The following KLHL5 variants were observed in gnomAD, a reference collection of about 807,000 sequenced individuals.
KLHL5 encodes the protein kelch like family member 5, also known as kelch-like protein 5.
KLHL5 carries 48 observed loss-of-function variants against 77.7 expected under a neutral mutation model. The observed-to-expected ratio is 0.62, with a 90% CI of 0.49 to 0.79. The LOEUF is 0.79. Among genes scored for constraint, KLHL5 ranks in the 30% least tolerant of loss-of-function variants. The probability of loss-of-function intolerance (pLI) is 0.00; values close to 1 mark genes in which losing one functional copy is unlikely to be tolerated. For synonymous variants in KLHL5, 260 were observed against 297.0 expected, an observed-to-expected ratio of 0.88 and a Z score of 1.28; for missense variants, 723 against 859.7, an observed-to-expected ratio of 0.84 and a Z score of 1.99.
chr4:39,082,087 T>A lies in KLHL5; in HGVS notation c.828T>A (p.Cys276Ter), dbSNP rs757286598. Residue 276 changes from cysteine (C) to a stop codon, truncating the protein, a stop_gained, in exon 4 of 11, where the codon TGT (cysteine) becomes TGA (stop). Coordinates refer to ENST00000504108, the MANE Select transcript of KLHL5 (RefSeq NM_015990.5). LOFTEE classifies it high-confidence loss of function. ...FLMKQLHPSN[C>*]LGIRSFADAQ... ...TGAAACAGCTTCATCCATCCAACTG[T>A]CTTGGAATTCGTTCTTTTGCTGATG... is the stretch of plus-strand genomic sequence containing the variant. 2 of 1,614,022 alleles carry A rather than the reference T, an allele frequency of 1.2e-6. No homozygotes were observed. Among genetic ancestry groups the A allele is most frequent in the Non-Finnish European group, 1.7e-6 (2 of 1,179,952 alleles).
intron 1 of KLHL5, among the ~76,000 whole-genome samples, chr4:39,053,745 C>T (rs924105525): frequency 6.6e-6 from 1 of 152,128 alleles, no homozygotes; most frequent in African/African-American, 2.4e-5. Context: ...ATAACTTTTA[C>T]AGGTGAGCTT....
intron 1 of KLHL5, among the ~76,000 whole-genome samples, chr4:39,049,723 A>C (rs1171445094): frequency 1.3e-5 from 2 of 151,612 alleles, no homozygotes; most frequent in Non-Finnish European, 2.9e-5. Context: ...AAAATAAATA[A>C]ATAAATAAAT....
At chr4:39,097,466 C>T (rs932665091) in intron 6 of KLHL5, among the ~76,000 whole-genome samples, 1 of 152,126 alleles carries the variant, frequency 6.6e-6, no homozygotes, top group Non-Finnish European at 1.5e-5. Context: ...CTTAAGCAAA[C>T]GATCAAAGAT....
At chr4:39,105,691 A>G (rs1034172619) in intron 7 of KLHL5, among the ~76,000 whole-genome samples, 1 of 151,028 alleles carries the variant, frequency 6.6e-6, no homozygotes, top group African/African-American at 2.4e-5. Context: ...ACATATAAAT[A>G]ACATGCATGC....
intron 5 of KLHL5, among the ~76,000 whole-genome samples, chr4:39,094,790 G>T (rs191265483): frequency 1.5e-4 from 23 of 152,090 alleles, no homozygotes; most frequent in Middle Eastern, 3.4e-3. Flanking sequence ...TACAGAACTG[G>T]CTACTGATCT....
At chr4:39,105,055 GC>G (rs753318115) in intron 7 of KLHL5, among the ~76,000 whole-genome samples, 40 of 151,938 alleles carry the variant, frequency 2.6e-4, no homozygotes, top group Non-Finnish European at 5.1e-4. Context: ...GAGCCACCAC[GC>G]CTGGCCTAAA....
At chr4:39,131,143 G>A (rs145871551), downstream of KLHL5, among the ~76,000 whole-genome samples, 35 of 151,522 alleles carry the variant, frequency 2.3e-4, no homozygotes, top group African/African-American at 7.7e-4. Context: ...GTGAGCCACC[G>A]TGCCCAGCCT....
At chr4:39,045,182 G>A in intron 1 of KLHL5, 3 of 983,662 alleles carry the variant, frequency 3.0e-6, no homozygotes, top group Non-Finnish European at 3.6e-6. Context: ...CTCACGCCCC[G>A]CTGCGGCCTC....
chr4:39,045,194 C>A, intron 1 of KLHL5: 1 of 981,470 alleles, frequency 1.0e-6, no homozygotes, highest in Non-Finnish European at 1.2e-6. Flanking sequence ...TGCGGCCTCC[C>A]GGAGCGCGCG....
rs1361153236 is a variant in KLHL5 at position 39,077,709 on chromosome 4, AC to A, written c.566+1563del. Among the ~76,000 whole-genome samples, 762 of 139,066 alleles carry A rather than the reference AC, an allele frequency of 5.5e-3. 2 individuals carry two copies. The highest frequency in any genetic ancestry group is 9.4e-3 in the African/African-American group (354 of 37,494). The allele number at this position is 139,066 out of a possible 152,430, so 91.2% of individuals were successfully genotyped here. A position where few individuals can be genotyped will look rare whatever the true frequency, so the allele number is the denominator to read the frequency against. On this transcript the variant is annotated intron_variant, in intron 2 of 10. Coordinates refer to ENST00000504108, the MANE Select transcript of KLHL5 (RefSeq NM_015990.5). ...GAACTAAAGGTAAAAAAAAAAAAAAACAAAAAACAAACAAACAAAAAAACTA... is the reference window on the plus strand; with the variant it reads ...GAACTAAAGGTAAAAAAAAAAAAAAAAAAAAACAAACAAACAAAAAAACTA...
intron 1 of KLHL5, among the ~76,000 whole-genome samples, chr4:39,053,374 T>A (rs2711957): frequency 0.73 from 110,349 of 151,676 alleles, 40,292 homozygotes; most frequent in East Asian, 0.82. Context: ...TCAGAAAAAA[T>A]TTTTTTTAAT....
At position 39,081,278 on chromosome 4, in the gene KLHL5, T is replaced by A; in HGVS notation, c.703+39T>A. 2 of 1,509,902 alleles carry A rather than the reference T, an allele frequency of 1.3e-6. No homozygotes were observed. The highest frequency in any genetic ancestry group is 8.9e-7 in the Non-Finnish European group (1 of 1,118,832). The allele number at this position is 1,509,902 out of a possible 1,614,324, so 93.5% of individuals were successfully genotyped here. The stretch of plus-strand genomic sequence containing the variant: ...AAATGTAAATTAAAACCTCTTAGAT[T>A]TATGTTGTATTATTAGATTTCAGAT... On this transcript the variant is annotated intron_variant, in intron 3 of 10. Coordinates refer to ENST00000504108, the MANE Select transcript of KLHL5 (RefSeq NM_015990.5). This position sits in a 1 kb window ranked among gnomAD's most constrained non-coding sequence, Gnocchi z 4.3.
intron 8 of KLHL5, 54 bp from the exon 9 acceptor site, chr4:39,112,965 GT>G: frequency 6.7e-7 from 1 of 1,492,022 alleles, no homozygotes; most frequent in Non-Finnish European, 9.3e-7. Context: ...GAGCCTCTTT[GT>G]TCTAAGCATA....
At chr4:39,055,117 A>G (rs553800679) in intron 1 of KLHL5, among the ~76,000 whole-genome samples, 123 of 152,332 alleles carry the variant, frequency 8.1e-4, no homozygotes, top group African/African-American at 2.9e-3. Flanking sequence ...GACTAGGGAA[A>G]AAGTCATCAA....
chr4:39,110,443 G>A (rs1394528081), intron 8 of KLHL5, among the ~76,000 whole-genome samples: 1 of 152,052 alleles, frequency 6.6e-6, no homozygotes, highest in Non-Finnish European at 1.5e-5. Flanking sequence ...ATCTCAAACA[G>A]TATCTGCCAA....
chr4:39,093,118 G>A (rs2566149), intron 5 of KLHL5: 332,856 of 455,440 alleles, frequency 0.73, 122,141 homozygotes, highest in East Asian at 0.83. Flanking sequence ...CCATCAACTG[G>A]TGAATGGATA....
At chr4:39,126,276 T>TA (rs1010190201), downstream of KLHL5, among the ~76,000 whole-genome samples, 4 of 152,020 alleles carry the variant, frequency 2.6e-5, no homozygotes, top group Admixed American at 6.6e-5. Context: ...TTAACTGGAG[T>TA]AAAAAAAATC....
In KLHL5 at chr4:39,124,573, A is replaced by G. The variant is rs548800821; in HGVS notation, c.*3507A>G. On this transcript the variant is annotated 3_prime_UTR_variant, in exon 11 of 11. Coordinates refer to ENST00000504108, the MANE Select transcript of KLHL5 (RefSeq NM_015990.5). ...CAGGACCATTCAATGAAGAAAGAAC[A>G]GTGTCTTCAACTAATAGTGCTAAGA... is the stretch of plus-strand genomic sequence containing the variant. Among the ~76,000 whole-genome samples, 6 of 152,266 alleles carry G rather than the reference A, an allele frequency of 3.9e-5. No homozygotes were observed. The highest frequency in any genetic ancestry group is 9.6e-5 in the African/African-American group (4 of 41,574).
In KLHL5 at chr4:39,117,034, G is replaced by A. The variant is rs75989241; in HGVS notation, c.2073+1704G>A. Among the ~76,000 whole-genome samples the A allele has an allele frequency of 4.2e-3, 638 of 152,164 alleles. 8 individuals are homozygous for A. The East Asian group carries it at 0.046, about 11-fold the overall frequency. Reference sequence around the variant, plus strand: ...CTATTTTTAGTAGAGACGGGGTTTTGTCATGTTGGCCAGGCTGGTCTCAAA... The same window carrying A: ...CTATTTTTAGTAGAGACGGGGTTTTATCATGTTGGCCAGGCTGGTCTCAAA... On this transcript the variant is annotated intron_variant, in intron 10 of 10. Coordinates refer to ENST00000504108, the MANE Select transcript of KLHL5 (RefSeq NM_015990.5).
Sources: gnomAD v4.1 joint callset for allele counts (sites outside exome capture counted in the v4.1 genomes callset) on GRCh38, gnomAD v4.1.1 for gene constraint, Gnocchi (gnomAD v3.1) non-coding constraint, MANE v1.5 for transcripts, NCBI Gene and HGNC (gene_info 2026-07-23, HGNC 2026-07-21) for gene names.